The following CGNL1 variants were observed in gnomAD, a reference collection of about 807,000 sequenced individuals.
CGNL1 encodes cingulin like 1.
In CGNL1, 132 loss-of-function variants were observed where a neutral mutation model predicts 141.2. The ratio of observed to expected loss-of-function variants is 0.93; its 90% CI spans 0.81 to 1.08. The LOEUF (loss-of-function observed/expected upper bound fraction) is 1.08, where lower values mean the gene tolerates loss of function less well. Among genes scored for constraint, CGNL1 ranks in the 50% least tolerant of loss-of-function variants. CGNL1 has a pLI of 0.00. For synonymous variants in CGNL1, 690 were observed against 622.1 expected (o/e 1.11, Z -1.63); for missense variants, 1,870 against 1,588.6 (o/e 1.18, Z -3.01).
intron 1 of CGNL1, among the ~76,000 whole-genome samples, chr15:57,431,460 A>G (rs1363887875): frequency 6.6e-6 from 1 of 152,210 alleles, no homozygotes; most frequent in Non-Finnish European, 1.5e-5. Context: ...GTTAGGGAAT[A>G]CATTGAAACT....
intron 8 of CGNL1, among the ~76,000 whole-genome samples, chr15:57,504,389 C>T (rs1412261048): frequency 6.6e-6 from 1 of 152,162 alleles, no homozygotes; most frequent in African/African-American, 2.4e-5. Flanking sequence ...CAGGCTCTTT[C>T]CTTGTTACAG....
At chr15:57,527,061 T>C (rs1477761136) in intron 12 of CGNL1, 2 of 152,212 alleles carry the variant, frequency 1.3e-5, no homozygotes, top group African/African-American at 4.8e-5. Flanking sequence ...GTTTTTGTTT[T>C]TTGTTTTTTT....
chr15:57,400,259 C>G (rs1447253932), intron 1 of CGNL1, among the ~76,000 whole-genome samples: 1 of 152,190 alleles, frequency 6.6e-6, no homozygotes, highest in Non-Finnish European at 1.5e-5. Flanking sequence ...TCCCAAAGTG[C>G]TGGGATTATA....
At chr15:57,436,448 GT>G (rs2063106744) in intron 1 of CGNL1, among the ~76,000 whole-genome samples, 1 of 152,184 alleles carries the variant, frequency 6.6e-6, no homozygotes. Context: ...AGACAGATGA[GT>G]GGAAAGATAG....
intron 7 of CGNL1, among the ~76,000 whole-genome samples, chr15:57,460,123 A>G (rs768033252): frequency 1.9e-4 from 29 of 152,226 alleles, no homozygotes; most frequent in Non-Finnish European, 3.7e-4. Context: ...CAAAGAAGAA[A>G]CAGCCTGAGG....
intron 8 of CGNL1, among the ~76,000 whole-genome samples, chr15:57,470,542 G>C (rs2280065): frequency 6.6e-6 from 1 of 151,992 alleles, no homozygotes; most frequent in African/African-American, 2.4e-5. Flanking sequence ...ATCTCTGCAA[G>C]TCACTCCTGG....
At chr15:57,461,339 A>G (rs1191317962) in intron 7 of CGNL1, among the ~76,000 whole-genome samples, 1 of 152,208 alleles carries the variant, frequency 6.6e-6, no homozygotes, top group Non-Finnish European at 1.5e-5. Flanking sequence ...CACACAGGGC[A>G]AGAGCAAGGG....
intron 1 of CGNL1, among the ~76,000 whole-genome samples, chr15:57,389,154 T>C (rs761564060): frequency 2.6e-5 from 4 of 152,276 alleles, no homozygotes; most frequent in Non-Finnish European, 5.9e-5. Context: ...TGTGTGCTGC[T>C]TTCTAGCAAA....
chr15:57,494,345 C>A (rs995104208), intron 8 of CGNL1, among the ~76,000 whole-genome samples: 1 of 152,120 alleles, frequency 6.6e-6, no homozygotes, highest in South Asian at 2.1e-4. Flanking sequence ...AGGTGGAGTT[C>A]TCGTTCTCTT....
intron 8 of CGNL1, among the ~76,000 whole-genome samples, chr15:57,514,238 G>A (rs574893982): frequency 2.6e-5 from 4 of 152,124 alleles, no homozygotes; most frequent in Non-Finnish European, 5.9e-5. Context: ...TGCAATCTCT[G>A]CCTCCCGAGT....
chr15:57,449,304 T>G (rs1441125831), intron 4 of CGNL1, among the ~76,000 whole-genome samples: 4 of 152,218 alleles, frequency 2.6e-5, no homozygotes, highest in Admixed American at 1.3e-4. Context: ...TACCCTGACC[T>G]TGAAATCCCT....
intron 5 of CGNL1, 101 bp from the exon 6 acceptor site, chr15:57,452,040 T>G: frequency 1.0e-6 from 1 of 998,586 alleles, no homozygotes; most frequent in Non-Finnish European, 1.4e-6. Context: ...TTTAATAATG[T>G]AAGTGCAAAG....
At chr15:57,533,706 C>T (rs1291368897) in intron 14 of CGNL1, among the ~76,000 whole-genome samples, 1 of 152,228 alleles carries the variant, frequency 6.6e-6, no homozygotes, top group Admixed American at 6.5e-5. Context: ...ACTGATCATG[C>T]AGAGATCTGG....
chr15:57,543,772 A>G lies in CGNL1; in HGVS notation c.3368A>G (p.Glu1123Gly). The change falls in exon 15 of 19, where the codon GAG (glutamate) becomes GGG (glycine). Residue 1123 changes from glutamate to glycine, a missense_variant. Physicochemically the swap from Glu to Gly is moderately conservative, Grantham distance 98 (BLOSUM62 -2). Coordinates refer to ENST00000281282, the MANE Select transcript of CGNL1 (RefSeq NM_032866.5). ...TTGGAGTGCGACAAGATTTCCCTGG[A>G]GAGGCAGGTGAGGGCAGCCAGCCTG... ...QDLECDKISL[E>G]RQNKDLKSRI... 1 of 1,613,850 alleles carries G rather than the reference A, an allele frequency of 6.2e-7. No homozygotes were observed. Among genetic ancestry groups the G allele is most frequent in the Non-Finnish European group, 8.5e-7 (1 of 1,179,796 alleles).
intron 1 of CGNL1, among the ~76,000 whole-genome samples, chr15:57,393,798 T>G (rs1248494620): frequency 6.6e-6 from 1 of 152,212 alleles, no homozygotes; most frequent in Non-Finnish European, 1.5e-5. Context: ...CTGCAGATTT[T>G]GTGACTAAGT....
intron 3 of CGNL1, among the ~76,000 whole-genome samples, chr15:57,441,027 A>G (rs1187149769): frequency 2.7e-5 from 4 of 148,232 alleles, no homozygotes; most frequent in Admixed American, 2.1e-4. Context: ...AAGGAATTTG[A>G]GGTTTCTGTT....
chr15:57,379,496 C>T (rs191110144), intron 1 of CGNL1, among the ~76,000 whole-genome samples: 1 of 152,246 alleles, frequency 6.6e-6, no homozygotes, highest in Admixed American at 6.5e-5. Context: ...TTTGCTTGTG[C>T]TGATGGGTGA....
chr15:57,418,940 T>G (rs2062882160), intron 1 of CGNL1, among the ~76,000 whole-genome samples: 1 of 152,004 alleles, frequency 6.6e-6, no homozygotes, highest in Non-Finnish European at 1.5e-5. Context: ...TGCCTTTTTT[T>G]TTTTTGAGAC....
chr15:57,470,081 A>G (rs2063559975), intron 8 of CGNL1, among the ~76,000 whole-genome samples: 1 of 152,198 alleles, frequency 6.6e-6, no homozygotes, highest in Admixed American at 6.5e-5. Context: ...CTTACCCTGA[A>G]TGACGGCTAC....
Sources: gnomAD v4.1 joint callset for allele counts (sites outside exome capture counted in the v4.1 genomes callset) on GRCh38, gnomAD v4.1.1 for gene constraint, MANE v1.5 for transcripts, NCBI Gene and HGNC (gene_info 2026-07-23, HGNC 2026-07-21) for gene names.